The following PLAAT1 variants were observed in gnomAD, a reference collection of about 807,000 sequenced individuals.
The protein encoded by PLAAT1 is phospholipase A and acyltransferase 1.
A neutral mutation model predicts 16.4 loss-of-function variants in PLAAT1; 13 were observed. That is an observed-to-expected ratio of 0.79 (90% CI 0.52 to 1.26). The LOEUF (loss-of-function observed/expected upper bound fraction) is 1.26. Ranked by LOEUF, PLAAT1 falls within the 50% of genes most tolerant of loss-of-function variation. The pLI, the probability that PLAAT1 is intolerant of heterozygous loss-of-function variation, is 0.00. For missense variants in PLAAT1, 218 were observed against 207.8 expected, an observed-to-expected ratio of 1.05 and a Z score of -0.30; for synonymous variants, 73 against 78.4, an observed-to-expected ratio of 0.93 and a Z score of 0.36.
At chr3:193,247,118 G>T (rs1716009264) in intron 1 of PLAAT1, among the ~76,000 whole-genome samples, 1 of 152,152 alleles carries the variant, frequency 6.6e-6, no homozygotes, top group Non-Finnish European at 1.5e-5. Context: ...CATTTCTTCT[G>T]TGTTATCCAA....
rs1716322057 is a variant in PLAAT1 at position 193,255,031 on chromosome 3, G to A, written c.1-620G>A. Among the ~76,000 whole-genome samples, 4 of 152,164 alleles carry A rather than the reference G, an allele frequency of 2.6e-5. No individual in the cohort carries two copies. The Middle Eastern group carries it at 0.01, about 388-fold the overall frequency. On this transcript the variant is annotated intron_variant, in intron 1 of 3. Transcript: ENST00000264735. ...TATATGGCATTTTTGCAGAGTTTTA[G>A]TACTCACAAAATATTAAATGTTAGC...
intron 2 of PLAAT1, among the ~76,000 whole-genome samples, chr3:193,256,995 G>A (rs975382154): frequency 6.6e-6 from 1 of 152,196 alleles, no homozygotes; most frequent in Admixed American, 6.5e-5. Flanking sequence ...CCTCAGAGAT[G>A]CCTATATTTA....
At chr3:193,278,882 C>G (rs949109419), downstream of PLAAT1, among the ~76,000 whole-genome samples, 14 of 152,194 alleles carry the variant, frequency 9.2e-5, no homozygotes, top group South Asian at 4.2e-4. Flanking sequence ...AGTTCAATAG[C>G]CTTGATGAAT....
chr3:193,268,259 G>T (rs113584660), intron 3 of PLAAT1, among the ~76,000 whole-genome samples: 10 of 152,186 alleles, frequency 6.6e-5, no homozygotes, highest in African/African-American at 2.4e-4. Context: ...AGGCAACACA[G>T]GAACACATCC....
downstream of PLAAT1, among the ~76,000 whole-genome samples, chr3:193,273,944 TTTAAAG>T (rs772091646): frequency 6.6e-6 from 1 of 152,100 alleles, no homozygotes; most frequent in African/African-American, 2.4e-5. Flanking sequence ...CTGGACGACT[TTTAAAG>T]TTAGAGCTTG....
At chr3:193,270,554 A>G in intron 3 of PLAAT1, 50 bp from the exon 4 acceptor site, 6 of 1,561,126 alleles carry the variant, frequency 3.8e-6, no homozygotes, top group Non-Finnish European at 5.2e-6. Flanking sequence ...TAGGACACAG[A>G]TGTCTTTAGA....
downstream of PLAAT1, among the ~76,000 whole-genome samples, chr3:193,273,655 T>C (rs1205935080): frequency 2.6e-5 from 4 of 152,202 alleles, no homozygotes. Context: ...TTTATCGTTA[T>C]AAGGAAAGAC....
At chr3:193,253,287 A>G in intron 1 of PLAAT1, among the ~76,000 whole-genome samples, 1 of 152,308 alleles carries the variant, frequency 6.6e-6, no homozygotes, top group East Asian at 1.9e-4. Flanking sequence ...TATGAAATCA[A>G]TTAACTTAAC....
chr3:193,279,268 G>T (rs1717369000), downstream of PLAAT1: 5 of 939,884 alleles, frequency 5.3e-6, no homozygotes, highest in South Asian at 7.6e-5. Context: ...AGTATTTGGT[G>T]GTCAAAGAGA....
At chr3:193,268,132 T>G (rs1010125332) in intron 3 of PLAAT1, among the ~76,000 whole-genome samples, 2 of 152,138 alleles carry the variant, frequency 1.3e-5, no homozygotes, top group African/African-American at 4.8e-5. Context: ...AGTTTGTGTC[T>G]TATCTTTTAT....
At chr3:193,249,214 C>T (rs1207776524) in intron 1 of PLAAT1, among the ~76,000 whole-genome samples, 1 of 151,998 alleles carries the variant, frequency 6.6e-6, no homozygotes, top group Non-Finnish European at 1.5e-5. Context: ...GTTGCTTTTC[C>T]CTTACAGCTT....
downstream of PLAAT1, chr3:193,281,204 C>A: frequency 1.0e-6 from 1 of 985,278 alleles, no homozygotes; most frequent in African/African-American, 1.7e-5. Flanking sequence ...TTTGGAGTCC[C>A]AGGAACGCAG....
intron 2 of PLAAT1, among the ~76,000 whole-genome samples, chr3:193,258,344 A>G (rs1366175450): frequency 6.6e-6 from 1 of 152,188 alleles, no homozygotes; most frequent in Non-Finnish European, 1.5e-5. Context: ...AATATTGCAC[A>G]TAGTGGAACT....
chr3:193,260,877 C>T (rs1280015198), intron 2 of PLAAT1, among the ~76,000 whole-genome samples: 1 of 152,056 alleles, frequency 6.6e-6, no homozygotes, highest in Non-Finnish European at 1.5e-5. Context: ...AATTATTCTA[C>T]CAAGAAGACA....
At chr3:193,261,928 C>T (rs1313614937) in intron 2 of PLAAT1, among the ~76,000 whole-genome samples, 1 of 152,142 alleles carries the variant, frequency 6.6e-6, no homozygotes, top group Non-Finnish European at 1.5e-5. Context: ...AAGATGTTCA[C>T]TGGAACATCT....
intron 1 of PLAAT1, among the ~76,000 whole-genome samples, chr3:193,243,013 A>G (rs1030603519): frequency 1.3e-5 from 2 of 152,332 alleles, no homozygotes; most frequent in African/African-American, 4.8e-5. Context: ...CCCTATCGGC[A>G]GGGAACATTT....
downstream of PLAAT1, among the ~76,000 whole-genome samples, chr3:193,274,220 G>A (rs576250353): frequency 1.6e-4 from 25 of 152,310 alleles, no homozygotes; most frequent in East Asian, 9.6e-4. Flanking sequence ...TCCAGCCTGG[G>A]TGACAGAGCG....
At chr3:193,270,535 A>C in intron 3 of PLAAT1, 69 bp from the exon 4 acceptor site, 8 of 1,462,782 alleles carry the variant, frequency 5.5e-6, no homozygotes, top group Non-Finnish European at 6.5e-6. Context: ...AACAGGCTAA[A>C]GCTTCATTTA....
At chr3:193,263,567 G>A (rs1716669606) in intron 3 of PLAAT1, among the ~76,000 whole-genome samples, 3 of 152,296 alleles carry the variant, frequency 2.0e-5, no homozygotes, top group Admixed American at 1.3e-4. Context: ...AAAAGAATAT[G>A]CTAGAAAGGA....
Sources: allele counts gnomAD v4.1 joint callset (sites outside exome capture counted in the v4.1 genomes callset), GRCh38; gene constraint gnomAD v4.1.1; transcripts MANE v1.5; gene names NCBI Gene and HGNC (gene_info 2026-07-23, HGNC 2026-07-21).